TEX9: variants seen among roughly 807,000 people sequenced by gnomAD.
The protein encoded by TEX9 is testis expressed 9.
TEX9 carries 74 observed loss-of-function variants against 59.6 expected under a neutral mutation model. That is an observed-to-expected ratio of 1.24 (90% CI 1.03 to 1.51). TEX9 has a LOEUF of 1.51. TEX9 is among the 40% of genes most tolerant of loss of function. TEX9 has a pLI of 0.00. For synonymous variants in TEX9, 186 were observed against 152.2 expected (o/e 1.22, Z -1.64); for missense variants, 522 against 447.8 (o/e 1.17, Z -1.49).
At chr15:56,361,522 T>C (rs1174865588), upstream of TEX9, among the ~76,000 whole-genome samples, 2 of 152,164 alleles carry the variant, frequency 1.3e-5, no homozygotes, top group Non-Finnish European at 2.9e-5. Flanking sequence ...TTGTTATTGA[T>C]TTTTAGTTTA....
chr15:56,452,016 A>G, the TEX9 span, among the ~76,000 whole-genome samples: 12 of 152,206 alleles, frequency 7.9e-5, no homozygotes, highest in African/African-American at 2.9e-4. Context: ...TGGTTCAAAT[A>G]TGTTTACTAT....
intron 1 of TEX9, among the ~76,000 whole-genome samples, chr15:56,300,690 AGAGAGAGAGAGAGAGAGG>A (rs1291393213): frequency 1.8e-5 from 1 of 54,198 alleles, no homozygotes; most frequent in South Asian, 7.1e-4. Context: ...CTCAGCAGAG[AGAGAGAGAGAGAGAGAGG>A]GAGAGAGAGA....
intron 1 of TEX9, among the ~76,000 whole-genome samples, chr15:56,263,031 T>C (rs1470082523): frequency 6.6e-6 from 1 of 152,184 alleles, no homozygotes; most frequent in African/African-American, 2.4e-5. Flanking sequence ...TTTTTTTTGT[T>C]TTTGTTTTTT....
At chr15:56,355,816 C>G (rs1470818114) in intron 1 of TEX9, among the ~76,000 whole-genome samples, 2 of 151,980 alleles carry the variant, frequency 1.3e-5, no homozygotes, top group African/African-American at 4.8e-5. Context: ...TATACCTAAG[C>G]ATTTGTAAAT....
intron 1 of TEX9, among the ~76,000 whole-genome samples, chr15:56,278,790 C>T (rs139487911): frequency 4.3e-5 from 6 of 140,346 alleles, no homozygotes; most frequent in Admixed American, 2.2e-4. Context: ...ACCTCAGCTA[C>T]CAAGAGATCC....
chr15:56,428,608 C>A (rs2050443799), intron 12 of TEX9: 2 of 508,700 alleles, frequency 3.9e-6, no homozygotes, highest in Admixed American at 6.9e-5. Context: ...TAGCTATTAG[C>A]TCTTTTTGAG....
chr15:56,384,840 A>C (rs17819426), intron 4 of TEX9, among the ~76,000 whole-genome samples: 6,709 of 152,268 alleles, frequency 0.044, 222 homozygotes, highest in Admixed American at 0.087. Context: ...GCTGAAACAC[A>C]ATATCAACAG....
At chr15:56,272,626 A>G (rs1295619315) in intron 1 of TEX9, among the ~76,000 whole-genome samples, 2 of 152,200 alleles carry the variant, frequency 1.3e-5, no homozygotes, top group Non-Finnish European at 2.9e-5. Context: ...GGGCATATAC[A>G]TAGGAGTAGA....
chr15:56,365,837 C>G (rs1326870782), intron 2 of TEX9, 167 bp downstream of exon 2: 2 of 1,431,510 alleles, frequency 1.4e-6, no homozygotes, highest in Non-Finnish European at 1.8e-6. Context: ...TGTCTTTGAT[C>G]TGAGTAGTTC....
chr15:56,363,455 C>T (rs750949298), upstream of TEX9, among the ~76,000 whole-genome samples: 5 of 152,032 alleles, frequency 3.3e-5, no homozygotes, highest in African/African-American at 4.8e-5. Context: ...AGGTGTGAGC[C>T]ACCGCGCCTG....
chr15:56,412,568 AT>A, intron 10 of TEX9, 132 bp downstream of exon 10: 1 of 1,019,304 alleles, frequency 9.8e-7, no homozygotes, highest in Non-Finnish European at 1.4e-6. Flanking sequence ...GAAGAAATAT[AT>A]TCATTAGCAG....
At chr15:56,278,126 T>C (rs1473334708) in intron 1 of TEX9, among the ~76,000 whole-genome samples, 1 of 152,182 alleles carries the variant, frequency 6.6e-6, no homozygotes, top group East Asian at 1.9e-4. Context: ...TCCTATATGT[T>C]CTTTACAATA....
In TEX9 at chr15:56,394,264, T is replaced by A. The variant is rs746044167; in HGVS notation, c.654+17T>A. The A allele has an allele frequency of 6.3e-7, 1 of 1,576,180 alleles. No individual in the cohort carries two copies. The highest frequency in any genetic ancestry group is 8.6e-7 in the Non-Finnish European group (1 of 1,159,686). On this transcript the variant is annotated intron_variant, in intron 8 of 12. Coordinates refer to ENST00000352903, the Ensembl canonical transcript of TEX9. The stretch of plus-strand genomic sequence containing the variant: ...AATAAAAAGGTAAGTTTTAAAAACC[T>A]CTTAAAAGGCTCTAATATTCAAAGA...
chr15:56,373,886 T>TG (rs2047306719), intron 3 of TEX9, among the ~76,000 whole-genome samples: 1 of 152,030 alleles, frequency 6.6e-6, no homozygotes, highest in Admixed American at 6.6e-5. Context: ...TGCCCCAAAA[T>TG]GGAGTTGATG....
At chr15:56,315,086 G>C (rs1473594766) in intron 1 of TEX9, among the ~76,000 whole-genome samples, 4 of 151,016 alleles carry the variant, frequency 2.6e-5, no homozygotes, top group African/African-American at 9.7e-5. Flanking sequence ...CACAGTGATG[G>C]GTCTTAACTC....
intron 8 of TEX9, 134 bp from the exon 9 acceptor site, chr15:56,394,527 T>A: frequency 1.4e-6 from 1 of 734,606 alleles, no homozygotes; most frequent in East Asian, 2.8e-5. Flanking sequence ...TTTTTGAAGA[T>A]AAAAATAGAC....
At chr15:56,344,497 A>G (rs2046429091) in intron 1 of TEX9, among the ~76,000 whole-genome samples, 1 of 152,120 alleles carries the variant, frequency 6.6e-6, no homozygotes, top group African/African-American at 2.4e-5. Context: ...GTGGTTGCTT[A>G]CAGCTAGGTG....
chr15:56,321,352 C>T (rs1229725229), intron 1 of TEX9, among the ~76,000 whole-genome samples: 1 of 152,268 alleles, frequency 6.6e-6, no homozygotes, highest in East Asian at 1.9e-4. Context: ...GGAGCAGACT[C>T]AGAATGCAGG....
At chr15:56,345,576 C>G (rs2046455744) in intron 1 of TEX9, among the ~76,000 whole-genome samples, 1 of 152,154 alleles carries the variant, frequency 6.6e-6, no homozygotes. Flanking sequence ...AGGCATGTGC[C>G]ACTGCGCCCA....
Sources: allele counts gnomAD v4.1 joint callset (sites outside exome capture counted in the v4.1 genomes callset), GRCh38; gene constraint gnomAD v4.1.1; transcripts MANE v1.5; gene names NCBI Gene and HGNC (gene_info 2026-07-23, HGNC 2026-07-21).